The following ZNF106 variants were observed in gnomAD, a reference collection of about 807,000 sequenced individuals.
The protein encoded by ZNF106 is zinc finger protein 106.
Under a neutral mutation model 195.1 loss-of-function variants are expected in ZNF106, and 67 were observed. The observed-to-expected ratio is 0.34, with a 90% CI of 0.28 to 0.42. The LOEUF is 0.42. Ranked by LOEUF, ZNF106 falls within the 10% of genes least tolerant of loss-of-function variation. The pLI is 1.00. For missense variants in ZNF106, 2,118 were observed against 2,304.5 expected (o/e 0.92, Z 1.66); for synonymous variants, 784 against 818.6 (o/e 0.96, Z 0.72).
At chr15:42,455,910 A>AT (rs1477225207) in intron 4 of ZNF106, among the ~76,000 whole-genome samples, 2 of 152,178 alleles carry the variant, frequency 1.3e-5, no homozygotes, top group Non-Finnish European at 2.9e-5. Context: ...TACCTCATTA[A>AT]TTAAACTCTT....
intron 3 of ZNF106, among the ~76,000 whole-genome samples, chr15:42,457,744 C>A (rs1435636791): frequency 2.0e-5 from 3 of 152,210 alleles, no homozygotes; most frequent in Non-Finnish European, 2.9e-5. Flanking sequence ...ATGTGATCTA[C>A]ATTCTGCTTC....
intron 8 of ZNF106, 89 bp downstream of exon 8, chr15:42,444,738 T>C (rs1207690954): frequency 1.3e-6 from 2 of 1,539,366 alleles, no homozygotes; most frequent in South Asian, 2.5e-5. Flanking sequence ...CTGCCATTGC[T>C]TTTGGGGTGA....
intron 1 of ZNF106, among the ~76,000 whole-genome samples, chr15:42,475,934 T>G (rs1312627788): frequency 6.6e-6 from 1 of 152,136 alleles, no homozygotes; most frequent in Non-Finnish European, 1.5e-5. Context: ...TTTACTTGGT[T>G]GAAAACCAAG....
intron 15 of ZNF106, among the ~76,000 whole-genome samples, chr15:42,426,456 A>G (rs1488855690): frequency 1.3e-5 from 2 of 150,964 alleles, no homozygotes; most frequent in African/African-American, 4.9e-5. Context: ...CTTGAGTACA[A>G]TGGTGTGATT....
At chr15:42,446,715 G>C in intron 6 of ZNF106, 57 bp from the exon 7 acceptor site, 1 of 1,384,910 alleles carries the variant, frequency 7.2e-7, no homozygotes, top group Admixed American at 2.3e-5. Context: ...TTATCCAAGA[G>C]GAGAAAAAGG....
At chr15:42,447,372 A>AAAAT (rs891702679) in intron 6 of ZNF106, among the ~76,000 whole-genome samples, 14 of 151,940 alleles carry the variant, frequency 9.2e-5, no homozygotes, top group African/African-American at 3.1e-4. Context: ...AAAATATTAT[A>AAAAT]AAATAAATAA....
chr15:42,457,380 A>G lies in ZNF106; in HGVS notation c.117-222T>C, dbSNP rs534284903. 7 of 1,406,158 alleles carry G rather than the reference A, an allele frequency of 5.0e-6. No homozygotes were observed. The African/African-American group carries it at 1.0e-4, about 20-fold the overall frequency. The allele number at this position is 1,406,158 out of a possible 1,614,324, so 87.1% of individuals were successfully genotyped here. On this transcript the variant is annotated intron_variant, in intron 3 of 21. Coordinates refer to ENST00000564754, the MANE Select transcript of ZNF106 (RefSeq NM_001366845.3). ...TTTTCCAGCAATCAAGAGGCAATAG[A>G]CTTCAGATAAATGTCGTTTAGGAGG...
At chr15:42,430,804 A>ATT (rs959022973) in intron 14 of ZNF106, among the ~76,000 whole-genome samples, 12 of 150,998 alleles carry the variant, frequency 7.9e-5, no homozygotes, top group African/African-American at 2.9e-4. Flanking sequence ...TATGCTTACA[A>ATT]TTTTTTTTTA....
intron 6 of ZNF106, among the ~76,000 whole-genome samples, chr15:42,447,362 A>T (rs1419446698): frequency 6.6e-6 from 1 of 151,950 alleles, no homozygotes; most frequent in East Asian, 1.9e-4. Context: ...TATAAATTTT[A>T]AAATATTATA....
Position 42,442,349 on chromosome 15 carries a change from T to C in ZNF106, c.3487A>G (p.Ser1163Gly), listed in dbSNP as rs377451728. The C allele has an allele frequency of 9.9e-6, 16 of 1,614,122 alleles. No homozygotes were observed. Among genetic ancestry groups the C allele is most frequent in the Admixed American group, 3.3e-5 (2 of 60,002 alleles). The change falls in exon 10 of 22, where the codon AGT becomes GGT. Residue 1163 changes from serine to glycine, a missense_variant. Physicochemically the swap from Ser to Gly is moderately conservative, Grantham distance 56 (BLOSUM62 0). Coordinates refer to ENST00000564754, the MANE Select transcript of ZNF106 (RefSeq NM_001366845.3). ...PCSLTRERRN[S>G]RSQTSIDAAL... is the part of the protein sequence containing the mutation. ...GCATCAATGGATGTTTGAGATCTAC[T>C]GTTCCTTCGTTCTCGTGTGAGGCTA...
intron 8 of ZNF106, among the ~76,000 whole-genome samples, chr15:42,444,605 G>T (rs1048632718): frequency 6.6e-6 from 1 of 152,182 alleles, no homozygotes; most frequent in Non-Finnish European, 1.5e-5. Flanking sequence ...AGCCTACTCT[G>T]TAAGTAAGCT....
chr15:42,470,345 A>C (rs2056637892), intron 2 of ZNF106, among the ~76,000 whole-genome samples: 1 of 152,138 alleles, frequency 6.6e-6, no homozygotes, highest in African/African-American at 2.4e-5. Flanking sequence ...TTCAACACCA[A>C]TTGTTCATAG....
At chr15:42,453,518 G>A (rs1473489836) in intron 4 of ZNF106, among the ~76,000 whole-genome samples, 1 of 152,094 alleles carries the variant, frequency 6.6e-6, no homozygotes, top group African/African-American at 2.4e-5. Context: ...AATTTACTGA[G>A]TACCTGAGTG....
rs1309942659 is a variant in ZNF106, at chr15:42,435,404, T to C, written c.4861A>G (p.Ile1621Val). Residue 1621 changes from isoleucine to valine, a missense_variant, in exon 14 of 22, where the codon ATC becomes GTC. Transcript: ENST00000564754. The stretch of plus-strand genomic sequence containing the variant: ...CCTACCTTAACATTATAGCAGCGGA[T>C]GGTATGGTCACTGGACCCGGTGTAA... The part of the protein sequence containing the change: ...ALYTGSSDHT[I>V]RCYNVKSREC... 3.1e-6 allele frequency: 5 copies of C among 1,614,156 alleles called. No individual in the cohort carries two copies. The highest frequency in any genetic ancestry group is 4.2e-6 in the Non-Finnish European group (5 of 1,180,024).
At chr15:42,446,218 G>A (rs985942456) in intron 7 of ZNF106, among the ~76,000 whole-genome samples, 15 of 152,296 alleles carry the variant, frequency 9.8e-5, no homozygotes, top group African/African-American at 3.1e-4. Flanking sequence ...AAAAGTAAAT[G>A]GACAATCAGT....
rs969034886 is a variant in ZNF106 at position 42,421,857 on chromosome 15, CAA to C, written c.5445+58_5445+59del. ...AAGCAGATGTCACTTTTGGAAGTGA[CAA>C]GAATTTTTTAGCAAACACATTCAAA... On this transcript the variant is annotated intron_variant, in intron 19 of 21. Transcript: ENST00000564754. 1.2e-5 allele frequency: 17 copies of C among 1,421,266 alleles called. No individual in the cohort carries two copies. In the African/African-American group the frequency reaches 2.4e-4, roughly 20 times the overall value. 88.0% of individuals were successfully genotyped at this position (1,421,266 alleles called of 1,614,324 possible).
chr15:42,445,063 A>G, intron 7 of ZNF106, 82 bp from the exon 8 acceptor site: 1 of 1,485,564 alleles, frequency 6.7e-7, no homozygotes, highest in Non-Finnish European at 9.1e-7. Flanking sequence ...AACTATACCC[A>G]TTATTTAGGA....
chr15:42,447,111 G>A (rs2141345414), intron 6 of ZNF106, among the ~76,000 whole-genome samples: 1 of 152,326 alleles, frequency 6.6e-6, no homozygotes, highest in East Asian at 1.9e-4. Context: ...TGTATTTTAA[G>A]TCATCCAGTA....
At chr15:42,418,827 A>G (rs2054550180) in intron 20 of ZNF106, among the ~76,000 whole-genome samples, 1 of 152,092 alleles carries the variant, frequency 6.6e-6, no homozygotes, top group Non-Finnish European at 1.5e-5. Flanking sequence ...AACCTTTGTC[A>G]CTTGAATCTC....
Sources: allele counts gnomAD v4.1 joint callset (sites outside exome capture counted in the v4.1 genomes callset), GRCh38; gene constraint gnomAD v4.1.1; transcripts MANE v1.5; gene names NCBI Gene and HGNC (gene_info 2026-07-23, HGNC 2026-07-21).